KCNIP4: variants seen among roughly 807,000 people sequenced by gnomAD.
KCNIP4 encodes the protein Kv channel-interacting protein 4.
KCNIP4 carries 12 observed loss-of-function variants against 34.0 expected under a neutral mutation model. The observed-to-expected ratio is 0.35, with a 90% CI of 0.23 to 0.57. The LOEUF (loss-of-function observed/expected upper bound fraction) is 0.57. KCNIP4 is among the 20% of genes least tolerant of loss of function. KCNIP4 has a pLI of 0.83. For missense variants in KCNIP4, 238 were observed against 311.7 expected, an observed-to-expected ratio of 0.76 and a Z score of 1.78; for synonymous variants, 124 against 102.2, an observed-to-expected ratio of 1.21 and a Z score of -1.29.
chr4:21,371,039 G>A (rs1390302707), intron 1 of KCNIP4, among the ~76,000 whole-genome samples: 1 of 141,278 alleles, frequency 7.1e-6, no homozygotes, highest in Non-Finnish European at 1.5e-5. Context: ...TGCATGTCTG[G>A]TGGGGGTAGG....
At chr4:21,057,415 AC>A (rs770113017) in intron 1 of KCNIP4, among the ~76,000 whole-genome samples, 1 of 152,132 alleles carries the variant, frequency 6.6e-6, no homozygotes, top group Non-Finnish European at 1.5e-5. Context: ...TATGAAGGAA[AC>A]CTTTGTTAGC....
Position 21,410,769 on chromosome 4 carries a change from C to T in KCNIP4, c.62-528060G>A, listed in dbSNP as rs115864768. 5.6e-3 allele frequency among the ~76,000 whole-genome samples: 859 copies of T among 152,298 alleles called. 9 individuals carry two copies. Among genetic ancestry groups the T allele is most frequent in the African/African-American group, 0.02 (823 of 41,558 alleles). On this transcript the variant is annotated intron_variant, in intron 1 of 8. Transcript: ENST00000382152. ...ATGAGTTATGTGGTACTTATTTTTG[C>T]AGCAATAAATAACTAGTAAAAGCAT...
intron 1 of KCNIP4, among the ~76,000 whole-genome samples, chr4:21,575,091 T>C (rs907071806): frequency 1.3e-5 from 2 of 152,194 alleles, no homozygotes; most frequent in East Asian, 3.9e-4. Context: ...CAATACTGCA[T>C]AACTTGTAAA....
intron 1 of KCNIP4, among the ~76,000 whole-genome samples, chr4:21,493,789 A>G (rs889173472): frequency 6.6e-6 from 1 of 152,152 alleles, no homozygotes; most frequent in African/African-American, 2.4e-5. Flanking sequence ...CATAATAAGA[A>G]ATTCCATTCC....
intron 3 of KCNIP4, among the ~76,000 whole-genome samples, chr4:20,763,999 A>C (rs2149367375): frequency 6.6e-6 from 1 of 152,318 alleles, no homozygotes; most frequent in Admixed American, 6.5e-5. Context: ...TTTTTTCATT[A>C]GATTTTTCTA....
intron 1 of KCNIP4, among the ~76,000 whole-genome samples, chr4:21,341,001 G>T (rs558427628): frequency 6.6e-6 from 1 of 152,218 alleles, no homozygotes; most frequent in African/African-American, 2.4e-5. Flanking sequence ...TTAGTTTTGT[G>T]GATGGATGGA....
intron 3 of KCNIP4, among the ~76,000 whole-genome samples, chr4:20,814,944 G>C (rs1488864103): frequency 6.6e-6 from 1 of 152,072 alleles, no homozygotes; most frequent in Non-Finnish European, 1.5e-5. Flanking sequence ...TCTGCATTCT[G>C]CTTCTGGGTT....
chr4:21,784,803 T>G (rs1719795053), intron 1 of KCNIP4, among the ~76,000 whole-genome samples: 1 of 152,224 alleles, frequency 6.6e-6, no homozygotes, highest in Non-Finnish European at 1.5e-5. Flanking sequence ...GATCATGTCC[T>G]AAATTTAGTT....
intron 1 of KCNIP4, among the ~76,000 whole-genome samples, chr4:21,324,169 T>C (rs968512671): frequency 1.4e-5 from 2 of 142,600 alleles, no homozygotes; most frequent in Admixed American, 1.4e-4. Flanking sequence ...CTGATGCAGT[T>C]TGTACTTACT....
At chr4:21,370,915 T>C (rs1434044382) in intron 1 of KCNIP4, among the ~76,000 whole-genome samples, 1 of 100,790 alleles carries the variant, frequency 9.9e-6, no homozygotes, top group Admixed American at 9.8e-5. Context: ...TAGCAGAACA[T>C]AGAAAAAGAA....
intron 1 of KCNIP4, among the ~76,000 whole-genome samples, chr4:21,337,122 G>A (rs1716254984): frequency 1.4e-5 from 2 of 146,660 alleles, no homozygotes; most frequent in African/African-American, 5.5e-5. Flanking sequence ...AGGATATGGA[G>A]AGAGGCAAGG....
chr4:21,443,213 T>C (rs1355016108), intron 1 of KCNIP4, among the ~76,000 whole-genome samples: 1 of 152,152 alleles, frequency 6.6e-6, no homozygotes, highest in Non-Finnish European at 1.5e-5. Context: ...AAGTCAGTCA[T>C]CACTATTTTC....
chr4:21,578,769 C>G (rs1209824015), intron 1 of KCNIP4, among the ~76,000 whole-genome samples: 2 of 152,126 alleles, frequency 1.3e-5, no homozygotes, highest in Non-Finnish European at 2.9e-5. Context: ...GTCTTGTACT[C>G]AGTTAAAGAA....
At chr4:21,511,479 G>GA (rs1372772594) in intron 1 of KCNIP4, among the ~76,000 whole-genome samples, 1 of 152,104 alleles carries the variant, frequency 6.6e-6, no homozygotes, top group East Asian at 1.9e-4. Context: ...ACACGTACAT[G>GA]AAAAAGTGTA....
chr4:20,913,802 A>G (rs2149574116), intron 1 of KCNIP4, among the ~76,000 whole-genome samples: 1 of 152,262 alleles, frequency 6.6e-6, no homozygotes, highest in South Asian at 2.1e-4. Context: ...ATAATAATAT[A>G]CCTCACTCAT....
chr4:21,613,816 A>G (rs930611734), intron 1 of KCNIP4: 1 of 151,990 alleles, frequency 6.6e-6, no homozygotes, highest in Non-Finnish European at 1.5e-5. Flanking sequence ...CTATTCCTCA[A>G]TGGATCCAGG....
At chr4:21,878,592 G>A (rs187656949) in intron 1 of KCNIP4, among the ~76,000 whole-genome samples, 3 of 152,286 alleles carry the variant, frequency 2.0e-5, no homozygotes, top group East Asian at 3.9e-4. Flanking sequence ...CAATACCCAA[G>A]ATGACAATGA....
At chr4:21,265,916 T>C (rs1418287930) in intron 1 of KCNIP4, among the ~76,000 whole-genome samples, 2 of 152,380 alleles carry the variant, frequency 1.3e-5, no homozygotes, top group African/African-American at 4.8e-5. Flanking sequence ...TATTCAGAAT[T>C]AATTCAGTAA....
At chr4:21,520,800 T>C (rs1423055196) in intron 1 of KCNIP4, among the ~76,000 whole-genome samples, 1 of 152,218 alleles carries the variant, frequency 6.6e-6, no homozygotes, top group African/African-American at 2.4e-5. Context: ...CAATATACTT[T>C]ATCCAAAATG....
Sources: allele counts gnomAD v4.1 joint callset (sites outside exome capture counted in the v4.1 genomes callset), GRCh38; gene constraint gnomAD v4.1.1; transcripts MANE v1.5; gene names NCBI Gene and HGNC (gene_info 2026-07-23, HGNC 2026-07-21).